Variants in ANO2 observed in about 807,000 individuals in gnomAD.
The protein encoded by ANO2 is anoctamin-2.
Under a neutral mutation model 124.2 loss-of-function variants are expected in ANO2, and 101 were observed. That is an observed-to-expected ratio of 0.81 (90% confidence interval 0.69 to 0.96). The LOEUF (loss-of-function observed/expected upper bound fraction) is 0.96, where lower values mean the gene tolerates loss of function less well. ANO2 is among the 40% of genes least tolerant of loss of function. The pLI is 0.00. For synonymous variants in ANO2, 486 were observed against 482.5 expected, an observed-to-expected ratio of 1.01 and a Z score of -0.09; for missense variants, 1,293 against 1,274.5, an observed-to-expected ratio of 1.01 and a Z score of -0.22.
chr12:5,751,032 C>T (rs752247092), intron 10 of ANO2, 62 bp from the exon 11 acceptor site: 7 of 1,474,370 alleles, frequency 4.7e-6, no homozygotes, highest in Admixed American at 2.2e-5. Flanking sequence ...TTCCTTATTT[C>T]TGTTTGTTCT....
intron 13 of ANO2, chr12:5,732,863 A>C: frequency 1.2e-6 from 2 of 1,614,016 alleles, no homozygotes; most frequent in African/African-American, 1.3e-5. Context: ...CTGAAAACCA[A>C]ACCTGGGCAC....
At chr12:5,639,347 G>A (rs1946212963) in intron 15 of ANO2, among the ~76,000 whole-genome samples, 1 of 152,150 alleles carries the variant, frequency 6.6e-6, no homozygotes, top group African/African-American at 2.4e-5. Context: ...TTCATAAAAT[G>A]TGTCTTAAGC....
chr12:5,598,032 T>A (rs1943747492), intron 20 of ANO2, among the ~76,000 whole-genome samples: 1 of 152,194 alleles, frequency 6.6e-6, no homozygotes, highest in Non-Finnish European at 1.5e-5. Context: ...ATTGTAGACA[T>A]CCCAGGGCTA....
intron 14 of ANO2, among the ~76,000 whole-genome samples, chr12:5,677,401 T>C (rs937230875): frequency 1.3e-5 from 2 of 152,212 alleles, no homozygotes; most frequent in African/African-American, 4.8e-5. Flanking sequence ...GTGGAGCTGA[T>C]GTCCTCCTTC....
chr12:5,846,892 T>C (rs1954701300), intron 4 of ANO2, among the ~76,000 whole-genome samples: 1 of 152,222 alleles, frequency 6.6e-6, no homozygotes, highest in Admixed American at 6.5e-5. Flanking sequence ...TATTTACAGG[T>C]TCCAGGGCTA....
At chr12:5,672,914 C>T (rs1005651009) in intron 14 of ANO2, among the ~76,000 whole-genome samples, 15 of 152,142 alleles carry the variant, frequency 9.9e-5, no homozygotes, top group African/African-American at 3.1e-4. Context: ...TTTTAGGAGG[C>T]CCTTCCCACG....
intron 5 of ANO2, among the ~76,000 whole-genome samples, chr12:5,830,780 C>G (rs1464962168): frequency 6.6e-6 from 1 of 152,096 alleles, no homozygotes; most frequent in African/African-American, 2.4e-5. Context: ...ATGCCCAAAT[C>G]TATAGGATAG....
At chr12:5,802,675 A>C (rs1953078411) in intron 9 of ANO2, among the ~76,000 whole-genome samples, 1 of 152,238 alleles carries the variant, frequency 6.6e-6, no homozygotes, top group African/African-American at 2.4e-5. Context: ...CAGACACGTA[A>C]CAATCCCTTT....
At chr12:5,914,069 G>A (rs1394633107) in intron 3 of ANO2, among the ~76,000 whole-genome samples, 1 of 152,098 alleles carries the variant, frequency 6.6e-6, no homozygotes, top group Non-Finnish European at 1.5e-5. Flanking sequence ...GCATGGTGTT[G>A]TGCACCTGTA....
chr12:5,836,890 A>G (rs1226601470), intron 4 of ANO2: 4 of 154,346 alleles, frequency 2.6e-5, no homozygotes, highest in Non-Finnish European at 2.9e-5. Flanking sequence ...GTAATTTTAT[A>G]CTTATTTGAG....
At chr12:5,832,720 A>G in intron 4 of ANO2, 117 bp from the exon 5 acceptor site, 2 of 1,179,298 alleles carry the variant, frequency 1.7e-6, no homozygotes, top group Non-Finnish European at 1.2e-6. Context: ...GGAGAGAGGA[A>G]GAGACTGGGA....
intron 10 of ANO2, among the ~76,000 whole-genome samples, chr12:5,792,503 T>A (rs1330046191): frequency 6.6e-6 from 1 of 152,214 alleles, no homozygotes; most frequent in Non-Finnish European, 1.5e-5. Flanking sequence ...ATTCAGTAAA[T>A]CACTGAGTGA....
chr12:5,861,255 G>A (rs1422527249), intron 3 of ANO2, among the ~76,000 whole-genome samples: 1 of 152,140 alleles, frequency 6.6e-6, no homozygotes, highest in Non-Finnish European at 1.5e-5. Context: ...CCTGAGGGCT[G>A]CCAACCATCC....
At chr12:5,581,898 C>A (rs1942776730) in intron 20 of ANO2, among the ~76,000 whole-genome samples, 1 of 152,172 alleles carries the variant, frequency 6.6e-6, no homozygotes, top group African/African-American at 2.4e-5. Context: ...TGAGCATTGC[C>A]AGGATTCAAC....
chr12:5,823,113 C>T (rs1953857807), intron 7 of ANO2, among the ~76,000 whole-genome samples: 1 of 152,168 alleles, frequency 6.6e-6, no homozygotes, highest in Non-Finnish European at 1.5e-5. Flanking sequence ...CACAGCCAAA[C>T]CATATCATTC....
chr12:5,757,540 TAGA>T (rs990260703), intron 10 of ANO2, among the ~76,000 whole-genome samples: 12 of 152,302 alleles, frequency 7.9e-5, no homozygotes, highest in African/African-American at 2.9e-4. Flanking sequence ...CACACATTGA[TAGA>T]AGAACTAAAG....
chr12:5,920,972 T>A, intron 3 of ANO2, 68 bp downstream of exon 3: 1 of 1,512,126 alleles, frequency 6.6e-7, no homozygotes, highest in Non-Finnish European at 9.0e-7. Flanking sequence ...CAGGTGGCAC[T>A]GCTCACTAGG....
chr12:5,759,640 A>C (rs1951682136), intron 10 of ANO2, among the ~76,000 whole-genome samples: 1 of 149,696 alleles, frequency 6.7e-6, no homozygotes, highest in African/African-American at 2.5e-5. Flanking sequence ...ATGAGAATCT[A>C]ATGCCTGATG....
rs1944191606 is a variant in ANO2, at chr12:5,605,804, C to A, written c.2088-6175G>T. Among the ~76,000 whole-genome samples, 3 of 152,168 alleles carry A rather than the reference C, an allele frequency of 2.0e-5. No individual in the cohort carries two copies. In the South Asian group the frequency reaches 6.2e-4, roughly 32 times the overall value. ...CATCCATGGATTCAGATAATAAATA[C>A]CACAAGATCAGATTCAGCCACGCTG... On this transcript the variant is annotated intron_variant, in intron 19 of 24. Coordinates refer to ENST00000682330, the MANE Select transcript of ANO2 (RefSeq NM_001364791.2).
Sources: gnomAD v4.1 joint callset for allele counts (sites outside exome capture counted in the v4.1 genomes callset) on GRCh38, gnomAD v4.1.1 for gene constraint, MANE v1.5 for transcripts, NCBI Gene and HGNC (gene_info 2026-07-23, HGNC 2026-07-21) for gene names.